Variants in MRTFA observed in about 807,000 individuals in gnomAD.
The protein encoded by MRTFA is myocardin-related transcription factor A.
A neutral mutation model predicts 83.5 loss-of-function variants in MRTFA; 20 were observed. That is an observed-to-expected ratio of 0.24 (90% CI 0.17 to 0.35). MRTFA has a LOEUF of 0.35. Among genes scored for constraint, MRTFA ranks in the 10% least tolerant of loss-of-function variants. The probability of loss-of-function intolerance (pLI) is 1.00; values close to 1 mark genes in which losing one functional copy is unlikely to be tolerated. For missense variants in MRTFA, 1,200 were observed against 1,224.7 expected (o/e 0.98, Z 0.30); for synonymous variants, 659 against 541.2 (o/e 1.22, Z -3.02).
At chr22:40,564,360 A>G (rs1382458433) in intron 2 of MRTFA, among the ~76,000 whole-genome samples, 1 of 152,222 alleles carries the variant, frequency 6.6e-6, no homozygotes, top group East Asian at 1.9e-4. Context: ...AACAAAGATT[A>G]CAAGAATAGG....
At chr22:40,591,605 G>A (rs1034344516) in intron 2 of MRTFA, among the ~76,000 whole-genome samples, 9 of 152,186 alleles carry the variant, frequency 5.9e-5, no homozygotes, top group African/African-American at 2.2e-4. Flanking sequence ...TGTAATACTG[G>A]AGTGGGGTAA....
chr22:40,588,027 A>AT (rs771409551), intron 2 of MRTFA: 2,553 of 143,782 alleles, frequency 0.018, 42 homozygotes, highest in Middle Eastern at 0.084. Flanking sequence ...ACACTCCAAC[A>AT]TTTTTTTTTT....
At chr22:40,624,906 A>T (rs1248387326) in intron 1 of MRTFA, among the ~76,000 whole-genome samples, 1 of 152,210 alleles carries the variant, frequency 6.6e-6, no homozygotes, top group Non-Finnish European at 1.5e-5. Context: ...TAACTTTTTA[A>T]AAAGGGTCAT....
intron 1 of MRTFA, among the ~76,000 whole-genome samples, chr22:40,635,264 A>G (rs2056682572): frequency 6.6e-6 from 1 of 152,188 alleles, no homozygotes; most frequent in Non-Finnish European, 1.5e-5. Context: ...GCTTTTCAAC[A>G]GTAAAACTGC....
chr22:40,550,303 A>C (rs5758001), intron 3 of MRTFA, among the ~76,000 whole-genome samples: 101,891 of 151,582 alleles, frequency 0.67, 34,740 homozygotes, highest in African/African-American at 0.76. Flanking sequence ...AAAATCATGG[A>C]AAATTAAAAG....
Position 40,416,837 on chromosome 22 carries a change from G to A in MRTFA, c.2578+149C>T, listed in dbSNP as rs376784831. 2.9e-5 allele frequency: 21 copies of A among 732,570 alleles called. No individual in the cohort carries two copies. Among genetic ancestry groups the A allele is most frequent in the East Asian group, 5.5e-5 (2 of 36,696 alleles). 45.4% of individuals were successfully genotyped at this position (732,570 alleles called of 1,614,324 possible). On this transcript the variant is annotated intron_variant, in intron 14 of 14. Transcript: ENST00000355630. The surrounding 1 kb of genome is among the most constrained non-coding windows in gnomAD (Gnocchi z 4.2). The stretch of plus-strand genomic sequence containing the variant: ...GTCCTCTCGCCCAGGCCTTGGAGAC[G>A]GGAGGGCTCACAGCCACCACTGCAT...
At chr22:40,574,956 T>C (rs2055847790) in intron 2 of MRTFA, among the ~76,000 whole-genome samples, 1 of 152,228 alleles carries the variant, frequency 6.6e-6, no homozygotes, top group South Asian at 2.1e-4. Flanking sequence ...GCAGTCCATC[T>C]GCAGACTCCA....
intron 3 of MRTFA, among the ~76,000 whole-genome samples, chr22:40,467,531 T>A (rs2053829708): frequency 6.6e-6 from 1 of 152,200 alleles, no homozygotes; most frequent in Non-Finnish European, 1.5e-5. Context: ...AATTATTTAA[T>A]AACCTACTTT....
At chr22:40,600,866 T>C (rs2056251327) in intron 1 of MRTFA, among the ~76,000 whole-genome samples, 1 of 152,132 alleles carries the variant, frequency 6.6e-6, no homozygotes, top group South Asian at 2.1e-4. Context: ...TAGTCCCAGC[T>C]ACTCAGATGG....
At chr22:40,483,543 G>C (rs2054126322) in intron 3 of MRTFA, among the ~76,000 whole-genome samples, 1 of 151,588 alleles carries the variant, frequency 6.6e-6, no homozygotes, top group African/African-American at 2.4e-5. Flanking sequence ...AAAGTAGCCG[G>C]GTGTGGTGGG....
chr22:40,570,828 CTT>C (rs1468763368), intron 2 of MRTFA, among the ~76,000 whole-genome samples: 3 of 151,362 alleles, frequency 2.0e-5, no homozygotes, highest in Non-Finnish European at 4.4e-5. Context: ...AAAAAATAGA[CTT>C]ATATCATTTT....
intron 4 of MRTFA, among the ~76,000 whole-genome samples, chr22:40,447,838 T>C (rs1474038055): frequency 6.6e-6 from 1 of 152,232 alleles, no homozygotes; most frequent in Non-Finnish European, 1.5e-5. Context: ...TCTGGTTCTT[T>C]TGATTCCAAA....
At chr22:40,554,619 T>C (rs1569325635) in intron 2 of MRTFA, among the ~76,000 whole-genome samples, 1 of 152,232 alleles carries the variant, frequency 6.6e-6, no homozygotes, top group Non-Finnish European at 1.5e-5. Flanking sequence ...CTCTTTCCTT[T>C]ATAAACTACC....
At chr22:40,498,900 A>G (rs1226335674) in intron 3 of MRTFA, among the ~76,000 whole-genome samples, 3 of 152,224 alleles carry the variant, frequency 2.0e-5, no homozygotes, top group African/African-American at 7.2e-5. Flanking sequence ...ACCTGAAAAT[A>G]AAGATAATAT....
At chr22:40,588,201 G>C (rs747789465) in intron 2 of MRTFA, among the ~76,000 whole-genome samples, 1 of 151,930 alleles carries the variant, frequency 6.6e-6, no homozygotes, top group African/African-American at 2.4e-5. Context: ...GATAATTTTT[G>C]TATTTTTAGT....
intron 3 of MRTFA, among the ~76,000 whole-genome samples, chr22:40,538,438 C>A (rs374038451): frequency 6.6e-6 from 1 of 150,646 alleles, no homozygotes; most frequent in African/African-American, 2.4e-5. Flanking sequence ...TGCAGAAGGC[C>A]GCAGGGTCCT....
intron 14 of MRTFA, chr22:40,412,141 C>CA (rs1326247854): frequency 1.1e-5 from 4 of 366,880 alleles, no homozygotes; most frequent in East Asian, 4.0e-5. Context: ...AACTCAACAA[C>CA]AAAAAACCAA....
intron 3 of MRTFA, among the ~76,000 whole-genome samples, chr22:40,493,421 C>G (rs1388684945): frequency 6.6e-6 from 1 of 152,210 alleles, no homozygotes; most frequent in Non-Finnish European, 1.5e-5. Context: ...GTGTCACAAT[C>G]ATCTGCCATG....
intron 4 of MRTFA, among the ~76,000 whole-genome samples, chr22:40,440,506 ATTTCAACAGCTAC>A (rs2053255040): frequency 2.0e-5 from 3 of 152,140 alleles, no homozygotes; most frequent in Admixed American, 2.0e-4. Context: ...AGATTCAGCA[ATTTCAACAGCTAC>A]TTCTGCCAGG....
Sources: allele counts gnomAD v4.1 joint callset (sites outside exome capture counted in the v4.1 genomes callset), GRCh38; gene constraint gnomAD v4.1.1; non-coding constraint Gnocchi (gnomAD v3.1); transcripts MANE v1.5; gene names NCBI Gene and HGNC (gene_info 2026-07-23, HGNC 2026-07-21).